The following C12orf54 variants were observed in gnomAD, a reference collection of about 807,000 sequenced individuals.
C12orf54 encodes the protein uncharacterized protein C12orf54.
Under a neutral mutation model 26.4 loss-of-function variants are expected in C12orf54, and 24 were observed. The ratio of observed to expected loss-of-function variants is 0.91; its 90% confidence interval spans 0.66 to 1.28. The LOEUF (loss-of-function observed/expected upper bound fraction) is 1.28, where lower values mean the gene tolerates loss of function less well. Among genes scored for constraint, C12orf54 ranks in the 50% most tolerant of loss-of-function variants. The pLI is 0.00. For synonymous variants in C12orf54, 54 were observed against 47.0 expected (o/e 1.15, Z -0.61); for missense variants, 154 against 150.9 (o/e 1.02, Z -0.11).
At chr12:48,486,240 C>CA in intron 3 of C12orf54, 32 bp downstream of exon 3, 2 of 1,594,120 alleles carry the variant, frequency 1.3e-6, no homozygotes, top group South Asian at 2.2e-5. Context: ...TCTGGATCCT[C>CA]TGGGGCTTCT....
At chr12:48,438,818 A>G in the C12orf54 span, among the ~76,000 whole-genome samples, 2 of 152,080 alleles carry the variant, frequency 1.3e-5, no homozygotes, top group Non-Finnish European at 1.5e-5. Context: ...GAAAACCTAG[A>G]CAATACCATT....
chr12:48,463,523 A>G, the C12orf54 span, among the ~76,000 whole-genome samples: 1 of 151,860 alleles, frequency 6.6e-6, no homozygotes, highest in Non-Finnish European at 1.5e-5. Flanking sequence ...CAAGAAAACT[A>G]TTCCAAAAAA....
the C12orf54 span, among the ~76,000 whole-genome samples, chr12:48,445,457 T>C: frequency 2.0e-5 from 3 of 152,174 alleles, no homozygotes; most frequent in African/African-American, 7.2e-5. Flanking sequence ...TAATTAAAGA[T>C]ATGGTTAGTT....
upstream of C12orf54, among the ~76,000 whole-genome samples, chr12:48,478,443 A>G (rs1414943682): frequency 1.3e-5 from 2 of 152,248 alleles, no homozygotes; most frequent in Non-Finnish European, 2.9e-5. Flanking sequence ...AATTAGGAAA[A>G]GACGAAGTCA....
At chr12:48,491,645 A>G (rs1358565156) in intron 6 of C12orf54, among the ~76,000 whole-genome samples, 1 of 152,182 alleles carries the variant, frequency 6.6e-6, no homozygotes, top group Non-Finnish European at 1.5e-5. Context: ...GGGAGGCTAG[A>G]ATGGAATGAT....
chr12:48,418,271 C>T, the C12orf54 span, among the ~76,000 whole-genome samples: 21 of 152,204 alleles, frequency 1.4e-4, no homozygotes, highest in Non-Finnish European at 2.4e-4. Context: ...GAAAGACATT[C>T]TCTATTTACT....
the C12orf54 span, among the ~76,000 whole-genome samples, chr12:48,419,008 A>C: frequency 6.6e-6 from 1 of 151,978 alleles, no homozygotes; most frequent in Non-Finnish European, 1.5e-5. Flanking sequence ...ACTAGAGATC[A>C]TTATAACAGC....
rs1486338048 is a variant in C12orf54, at chr12:48,496,513, A to T, written c.*373A>T. The T allele has an allele frequency of 1.3e-5, 2 of 152,596 alleles. No individual in the cohort carries two copies. Among genetic ancestry groups the T allele is most frequent in the Non-Finnish European group, 2.9e-5 (2 of 68,038 alleles). 9.5% of individuals were successfully genotyped at this position (152,596 alleles called of 1,614,324 possible). On this transcript the variant is annotated 3_prime_UTR_variant, in exon 9 of 9. Coordinates refer to ENST00000548364, the MANE Select transcript of C12orf54 (RefSeq NM_152319.4). The stretch of plus-strand genomic sequence containing the variant: ...ACCTGCACTATAATGTCATAAACTC[A>T]ATCTGACTTTGTCTGAGTTTTTCTT...
chr12:48,472,706 G>T, the C12orf54 span: 1 of 1,614,176 alleles, frequency 6.2e-7, no homozygotes, highest in East Asian at 2.2e-5. Flanking sequence ...TGCGGAACAG[G>T]ACGCCCTCCG....
chr12:48,471,190 A>G, the C12orf54 span, among the ~76,000 whole-genome samples: 1 of 152,078 alleles, frequency 6.6e-6, no homozygotes, highest in Admixed American at 6.6e-5. Context: ...AAGTGAGAAC[A>G]TGCAATGTTT....
At chr12:48,493,687 G>GAAAGTTAATTTTCAAAAAGAAAATTAACA (rs1937844328) in intron 7 of C12orf54, among the ~76,000 whole-genome samples, 1 of 146,504 alleles carries the variant, frequency 6.8e-6, no homozygotes, top group Non-Finnish European at 1.5e-5. Flanking sequence ...GAAAATTAAT[G>GAAAGTTAATTTTCAAAAAGAAAATTAACA]AAAGTTAATT....
At chr12:48,419,647 CAAAG>C in the C12orf54 span, among the ~76,000 whole-genome samples, 1 of 152,004 alleles carries the variant, frequency 6.6e-6, no homozygotes, top group Non-Finnish European at 1.5e-5. Context: ...AGCTCAATGA[CAAAG>C]AAAGCACACA....
the C12orf54 span, among the ~76,000 whole-genome samples, chr12:48,467,233 C>T: frequency 2.6e-5 from 4 of 152,142 alleles, no homozygotes; most frequent in African/African-American, 7.2e-5. Context: ...ACGAACTACA[C>T]AGATTGTCTG....
chr12:48,434,150 G>C, the C12orf54 span, among the ~76,000 whole-genome samples: 1 of 152,180 alleles, frequency 6.6e-6, no homozygotes, highest in Non-Finnish European at 1.5e-5. Flanking sequence ...TACACCCATG[G>C]AGCCTCGCTC....
At chr12:48,456,087 A>G in the C12orf54 span, among the ~76,000 whole-genome samples, 2 of 152,328 alleles carry the variant, frequency 1.3e-5, no homozygotes, top group East Asian at 1.9e-4. Context: ...TACTCAATAA[A>G]TTATCATTTA....
the C12orf54 span, among the ~76,000 whole-genome samples, chr12:48,449,449 A>G: frequency 6.6e-6 from 1 of 152,238 alleles, no homozygotes; most frequent in Admixed American, 6.5e-5. Flanking sequence ...TATTGGGTTA[A>G]ATAAAACCCA....
the C12orf54 span, among the ~76,000 whole-genome samples, chr12:48,419,590 G>T: frequency 6.6e-6 from 1 of 152,134 alleles, no homozygotes; most frequent in Admixed American, 6.6e-5. Flanking sequence ...GATAGATGAT[G>T]GGGGGTAGGA....
At chr12:48,429,025 T>A in the C12orf54 span, among the ~76,000 whole-genome samples, 1 of 152,172 alleles carries the variant, frequency 6.6e-6, no homozygotes, top group Admixed American at 6.5e-5. Context: ...CGCAAGTCAA[T>A]AAATGTGATA....
chr12:48,457,307 G>A, the C12orf54 span, among the ~76,000 whole-genome samples: 1 of 151,596 alleles, frequency 6.6e-6, no homozygotes, highest in Non-Finnish European at 1.5e-5. Flanking sequence ...TGGTGGTGGT[G>A]GTGGTTTTTT....
Sources: allele counts gnomAD v4.1 joint callset (sites outside exome capture counted in the v4.1 genomes callset), GRCh38; gene constraint gnomAD v4.1.1; transcripts MANE v1.5; gene names NCBI Gene and HGNC (gene_info 2026-07-23, HGNC 2026-07-21).